The following CDCA7L variants were observed in gnomAD, a reference collection of about 807,000 sequenced individuals.
The protein encoded by CDCA7L is cell division cycle-associated 7-like protein.
Under a neutral mutation model 57.4 loss-of-function variants are expected in CDCA7L, and 44 were observed. The observed-to-expected ratio is 0.77, with a 90% CI of 0.60 to 0.98. CDCA7L has a LOEUF of 0.98. CDCA7L is among the 50% of genes least tolerant of loss of function. The pLI is 0.00. For missense variants in CDCA7L, 644 were observed against 580.6 expected (o/e 1.11, Z -1.12); for synonymous variants, 236 against 202.8 (o/e 1.16, Z -1.39).
At chr7:21,923,629 A>G (rs1785733618) in intron 1 of CDCA7L, among the ~76,000 whole-genome samples, 1 of 152,242 alleles carries the variant, frequency 6.6e-6, no homozygotes, top group Non-Finnish European at 1.5e-5. Context: ...CTTTAGGGGC[A>G]TGTGGCTTAA....
chr7:21,932,104 A>T (rs1786036713), intron 1 of CDCA7L, among the ~76,000 whole-genome samples: 1 of 152,228 alleles, frequency 6.6e-6, no homozygotes, highest in South Asian at 2.1e-4. Flanking sequence ...AGGGAAGTGA[A>T]GGATCTCTTT....
intron 8 of CDCA7L, among the ~76,000 whole-genome samples, chr7:21,903,385 G>A (rs905952465): frequency 1.3e-5 from 2 of 152,178 alleles, no homozygotes; most frequent in African/African-American, 2.4e-5. Context: ...AGGGCCCTGT[G>A]CGAGCATGCA....
Position 21,904,203 on chromosome 7 carries a change from C to A in CDCA7L, c.1104G>T (p.Arg368=), listed in dbSNP as rs559766812. The A allele has an allele frequency of 6.2e-7, 1 of 1,613,866 alleles. No homozygotes were observed. The highest frequency in any genetic ancestry group is 2.2e-5 in the East Asian group (1 of 44,862). ...QKTIDTKTVC[R]NQGCCGVRGQ... is the part of the protein sequence containing the mutation. ...CTCGCACACCACAGCAACCCTGGTT[C>A]CGACACACTGTCTTGGTGTCGATGG... is the stretch of plus-strand genomic sequence containing the variant. The change falls in exon 8 of 10, where the codon CGG becomes CGT. Residue 368 remains arginine, a synonymous_variant. Coordinates refer to ENST00000406877, the MANE Select transcript of CDCA7L (RefSeq NM_018719.5).
chr7:21,944,856 ACT>A (rs1294952051), intron 1 of CDCA7L: 2 of 146,242 alleles, frequency 1.4e-5, no homozygotes, highest in Admixed American at 6.9e-5. Flanking sequence ...GAGTCTCGCG[ACT>A]CTCAATAAAA....
At chr7:21,930,187 T>C (rs558986274) in intron 1 of CDCA7L, among the ~76,000 whole-genome samples, 2 of 152,038 alleles carry the variant, frequency 1.3e-5, no homozygotes, top group Non-Finnish European at 2.9e-5. Flanking sequence ...ACAACTACAT[T>C]GAAACTGAAC....
Position 21,900,990 on chromosome 7 carries a change from C to T in CDCA7L, c.*1332G>A, listed in dbSNP as rs746521380. ...GCAAGCTGCCACACAATTGCAACCG[C>T]TGTGTTTTTGCCATAGGCGCCCGCT... On this transcript the variant is annotated 3_prime_UTR_variant, in exon 10 of 10. Transcript: ENST00000406877. The T allele has an allele frequency of 6.4e-7, 1 of 1,563,648 alleles. No individual in the cohort carries two copies. The highest frequency in any genetic ancestry group is 1.4e-5 in the African/African-American group (1 of 72,776).
At chr7:21,908,079 T>C (rs745602019) in intron 4 of CDCA7L, 51 bp downstream of exon 4, 1 of 1,490,634 alleles carries the variant, frequency 6.7e-7, no homozygotes, top group East Asian at 2.4e-5. Flanking sequence ...GCCCAGCAAC[T>C]GCTGCCAGAG....
intron 8 of CDCA7L, 109 bp from the exon 9 acceptor site, chr7:21,903,223 A>T: frequency 9.7e-7 from 1 of 1,031,748 alleles, no homozygotes; most frequent in Non-Finnish European, 1.4e-6. Flanking sequence ...ACCTTTAATC[A>T]CATGGCATCT....
At chr7:21,903,312 G>A (rs530106852) in intron 8 of CDCA7L, among the ~76,000 whole-genome samples, 198 bp from the exon 9 acceptor site, 3 of 152,288 alleles carry the variant, frequency 2.0e-5, no homozygotes, top group East Asian at 1.9e-4. Flanking sequence ...ACTGAAAAAT[G>A]ACACCTTTTA....
chr7:21,927,474 A>G (rs1785864430), intron 1 of CDCA7L, among the ~76,000 whole-genome samples: 1 of 151,918 alleles, frequency 6.6e-6, no homozygotes, highest in African/African-American at 2.4e-5. Flanking sequence ...CAGAGGAGAA[A>G]AAAATTAGAG....
intron 3 of CDCA7L, among the ~76,000 whole-genome samples, chr7:21,910,607 C>A (rs1230484813): frequency 6.6e-6 from 1 of 152,170 alleles, no homozygotes; most frequent in African/African-American, 2.4e-5. Context: ...TTATTTTTTG[C>A]ATAAATGTAT....
chr7:21,921,783 G>A (rs934409034), intron 1 of CDCA7L, among the ~76,000 whole-genome samples: 36 of 151,736 alleles, frequency 2.4e-4, no homozygotes, highest in African/African-American at 8.0e-4. Context: ...AAAAAAAAAG[G>A]GAAAATTCTC....
In CDCA7L at chr7:21,916,762, C is replaced by G. The variant is rs752647964; in HGVS notation, c.157G>C (p.Gly53Arg). ...SCDSFDSLESGKQQDVRFHSK... is the reference protein window; with the variant it reads ...SCDSFDSLESRKQQDVRFHSK... ...GAAGGAATCATCCATACCTGTTTCC[C>G]TGACTCTAGTGAGTCAAAACTATCG... The change falls in exon 2 of 10, where the codon GGG becomes CGG. Residue 53 changes from glycine (G) to arginine (R), a missense_variant. By Grantham distance (125) the Gly-to-Arg change is moderately radical (BLOSUM62 -2). Coordinates refer to ENST00000406877, the MANE Select transcript of CDCA7L (RefSeq NM_018719.5). The G allele has an allele frequency of 1.2e-6, 2 of 1,613,908 alleles. No individual in the cohort carries two copies. The highest frequency in any genetic ancestry group is 2.2e-5 in the South Asian group (2 of 91,052).
At chr7:21,932,403 A>T (rs1037970098) in intron 1 of CDCA7L, among the ~76,000 whole-genome samples, 9 of 152,226 alleles carry the variant, frequency 5.9e-5, no homozygotes, top group African/African-American at 2.2e-4. Flanking sequence ...TTCAATCTAT[A>T]CTACAAGGCT....
chr7:21,905,748 T>C, intron 6 of CDCA7L, 117 bp from the exon 7 acceptor site: 3 of 1,151,492 alleles, frequency 2.6e-6, no homozygotes, highest in Admixed American at 2.9e-5. Flanking sequence ...CCCTCTTCTA[T>C]TTCCCTGCAG....
Position 21,922,761 on chromosome 7 carries a change from T to A in CDCA7L, c.25-5867A>T, listed in dbSNP as rs531561651. On this transcript the variant is annotated intron_variant, in intron 1 of 9. Transcript: ENST00000406877. ...CACAAGAGCCAAAAGGTGGAAGCAA[T>A]CCAAGTATCCATCGATGGATAAATG... 2.6e-5 allele frequency among the ~76,000 whole-genome samples: 4 copies of A among 152,268 alleles called. No individual in the cohort carries two copies. The South Asian group carries it at 8.3e-4, about 32-fold the overall frequency.
In CDCA7L at chr7:21,901,099, C is replaced by A; in HGVS notation, c.*1223G>T. On this transcript the variant is annotated 3_prime_UTR_variant, in exon 10 of 10. Transcript: ENST00000406877. ...GCCGGTCATCTTTGCAAAAGCCACC[C>A]CCGTGGACAGACAAGAAACCAAACA... The A allele has an allele frequency of 6.2e-7, 1 of 1,613,638 alleles. No individual in the cohort carries two copies. The highest frequency in any genetic ancestry group is 8.5e-7 in the Non-Finnish European group (1 of 1,179,628).
rs973728824 is a variant in CDCA7L at position 21,945,661 on chromosome 7, C to G, written c.24+120G>C. ...TCCGGCACTCAACCGGCTGGGCGCG[C>G]CAGATCCCCAGTGCCGCAGCCAAGG... On this transcript the variant is annotated intron_variant, in intron 1 of 9. Coordinates refer to ENST00000406877, the MANE Select transcript of CDCA7L (RefSeq NM_018719.5). 5 of 1,290,854 alleles carry G rather than the reference C, an allele frequency of 3.9e-6. No homozygotes were observed. The Admixed American group carries it at 8.9e-5, about 23-fold the overall frequency. 80.0% of individuals were successfully genotyped at this position (1,290,854 alleles called of 1,614,324 possible).
At chr7:21,907,046 C>T (rs919675789) in intron 4 of CDCA7L, among the ~76,000 whole-genome samples, 2 of 152,148 alleles carry the variant, frequency 1.3e-5, no homozygotes, top group East Asian at 1.9e-4. Flanking sequence ...TAGATTATTT[C>T]GATGGTTATT....
Sources: allele counts gnomAD v4.1 joint callset (sites outside exome capture counted in the v4.1 genomes callset), GRCh38; gene constraint gnomAD v4.1.1; transcripts MANE v1.5; gene names NCBI Gene and HGNC (gene_info 2026-07-23, HGNC 2026-07-21).